The following IFT74 variants were observed in gnomAD, a reference collection of about 807,000 sequenced individuals.
IFT74 encodes the protein intraflagellar transport protein 74 homolog.
A neutral mutation model predicts 96.7 loss-of-function variants in IFT74; 92 were observed. That is an observed-to-expected ratio of 0.95 (90% CI 0.80 to 1.13). The LOEUF (loss-of-function observed/expected upper bound fraction) is 1.13, where lower values mean the gene tolerates loss of function less well. Ranked by LOEUF, IFT74 falls within the 50% of genes most tolerant of loss-of-function variation. The pLI, the probability that IFT74 is intolerant of heterozygous loss-of-function variation, is 0.00. For synonymous variants in IFT74, 223 were observed against 213.2 expected (o/e 1.05, Z -0.40); for missense variants, 811 against 698.2 (o/e 1.16, Z -1.82).
At chr9:27,025,076 A>C (rs1030674240) in intron 12 of IFT74, among the ~76,000 whole-genome samples, 1 of 152,120 alleles carries the variant, frequency 6.6e-6, no homozygotes, top group Non-Finnish European at 1.5e-5. Flanking sequence ...CAAACCTGTA[A>C]GTTTGGAAAA....
At chr9:26,956,294 C>T (rs969072693), upstream of IFT74, 1 of 152,234 alleles carries the variant, frequency 6.6e-6, no homozygotes, top group Non-Finnish European at 1.5e-5. Context: ...ACAAACATAT[C>T]CTCAATTCTC....
intron 10 of IFT74, among the ~76,000 whole-genome samples, chr9:27,012,229 A>C (rs1158955810): frequency 6.6e-6 from 1 of 152,128 alleles, no homozygotes; most frequent in Non-Finnish European, 1.5e-5. Context: ...AATTAAAAAA[A>C]TTATTTTTTT....
At chr9:26,975,444 G>T (rs1207194316) in intron 2 of IFT74, among the ~76,000 whole-genome samples, 1 of 152,056 alleles carries the variant, frequency 6.6e-6, no homozygotes, top group African/African-American at 2.4e-5. Context: ...TTTGAGGATG[G>T]GCCTTCAGTC....
At chr9:26,948,778 T>C (rs1207232414) in intron 1 of IFT74, among the ~76,000 whole-genome samples, 1 of 152,124 alleles carries the variant, frequency 6.6e-6, no homozygotes, top group Admixed American at 6.5e-5. Context: ...TCCATTCTTA[T>C]AGTACAGCAT....
intron 2 of IFT74, among the ~76,000 whole-genome samples, chr9:26,974,970 G>A (rs1291902424): frequency 2.6e-5 from 4 of 152,104 alleles, no homozygotes; most frequent in Admixed American, 2.6e-4. Flanking sequence ...GGAAATTTTG[G>A]ATATCCTTTT....
At chr9:26,963,761 T>G (rs1328174962) in intron 2 of IFT74, among the ~76,000 whole-genome samples, 1 of 152,234 alleles carries the variant, frequency 6.6e-6, no homozygotes. Flanking sequence ...TGTCTTCTTT[T>G]GGGAAGTGTC....
chr9:27,006,891 T>C (rs1173939907), intron 8 of IFT74, among the ~76,000 whole-genome samples: 36 of 142,280 alleles, frequency 2.5e-4, no homozygotes, highest in East Asian at 1.9e-3. Flanking sequence ...GGCTGGAGTG[T>C]AGTGGCGCAG....
intron 12 of IFT74, among the ~76,000 whole-genome samples, chr9:27,020,979 G>A (rs1344591345): frequency 5.9e-5 from 9 of 151,844 alleles, no homozygotes; most frequent in Admixed American, 2.0e-4. Flanking sequence ...ATGCCTTTAC[G>A]TCCTCATAGC....
intron 8 of IFT74, chr9:26,995,569 A>G (rs1436904713): frequency 3.8e-6 from 6 of 1,599,946 alleles, no homozygotes; most frequent in South Asian, 1.1e-5. Context: ...TGTCTTCAAT[A>G]AATCCATCAT....
intron 16 of IFT74, among the ~76,000 whole-genome samples, chr9:27,052,925 C>T (rs954456940): frequency 3.3e-5 from 5 of 152,008 alleles, no homozygotes; most frequent in South Asian, 2.1e-4. Flanking sequence ...TGCAGTGGCG[C>T]GATTTTGGCT....
chr9:27,000,569 A>G (rs1828428162), intron 8 of IFT74, among the ~76,000 whole-genome samples: 1 of 152,208 alleles, frequency 6.6e-6, no homozygotes, highest in Non-Finnish European at 1.5e-5. Flanking sequence ...GCATTCATAT[A>G]ATTTTTAAAG....
chr9:26,994,612 G>C (rs1213565848), intron 8 of IFT74: 1 of 149,456 alleles, frequency 6.7e-6, no homozygotes, highest in East Asian at 2.0e-4. Flanking sequence ...GTAGTAATTT[G>C]ACCATGTACC....
At chr9:26,994,192 C>G (rs1203059447) in intron 8 of IFT74, 3 of 152,102 alleles carry the variant, frequency 2.0e-5, no homozygotes, top group Admixed American at 1.3e-4. Flanking sequence ...ATACTTTGCT[C>G]TTGAATAATC....
At chr9:26,958,898 A>G (rs924208933) in intron 1 of IFT74, among the ~76,000 whole-genome samples, 1 of 152,192 alleles carries the variant, frequency 6.6e-6, no homozygotes, top group Middle Eastern at 3.2e-3. Context: ...GGACAGATCA[A>G]GGAGACAGAA....
chr9:27,036,185 A>G (rs1454022471), intron 13 of IFT74, among the ~76,000 whole-genome samples: 1 of 152,236 alleles, frequency 6.6e-6, no homozygotes, highest in African/African-American at 2.4e-5. Context: ...CACATTGAGT[A>G]GACTGAGGAA....
At chr9:26,949,875 C>G (rs1418798847) in intron 1 of IFT74, among the ~76,000 whole-genome samples, 1 of 152,094 alleles carries the variant, frequency 6.6e-6, no homozygotes, top group African/African-American at 2.4e-5. Context: ...TGTTGGTCTG[C>G]CAAAATGCTA....
intron 8 of IFT74, chr9:26,995,836 A>G: frequency 6.2e-7 from 1 of 1,603,746 alleles, no homozygotes; most frequent in Non-Finnish European, 8.5e-7. Flanking sequence ...AACTTTTTCC[A>G]AGAGGTTCAT....
intron 19 of IFT74, among the ~76,000 whole-genome samples, chr9:27,061,262 G>C (rs1334936523): frequency 6.6e-6 from 1 of 152,172 alleles, no homozygotes; most frequent in Non-Finnish European, 1.5e-5. Flanking sequence ...TAGTGATTAA[G>C]TGCCCAGATT....
In IFT74 at chr9:27,025,621, T is replaced by C. The variant is rs1173862336; in HGVS notation, c.975-3404T>C. Among the ~76,000 whole-genome samples, 6 of 152,122 alleles carry C rather than the reference T, an allele frequency of 3.9e-5. No individual in the cohort carries two copies. The East Asian group carries it at 9.6e-4, about 24-fold the overall frequency. On this transcript the variant is annotated intron_variant, in intron 12 of 19. Transcript: ENST00000380062. Reference sequence around the variant, plus strand: ...ATCAGGTAACCTATAAAGGAAAACCTATCAGATCAATAGCAGATTTCTTAG... The same window carrying C: ...ATCAGGTAACCTATAAAGGAAAACCCATCAGATCAATAGCAGATTTCTTAG...
Sources: allele counts gnomAD v4.1 joint callset (sites outside exome capture counted in the v4.1 genomes callset), GRCh38; gene constraint gnomAD v4.1.1; transcripts MANE v1.5; gene names NCBI Gene and HGNC (gene_info 2026-07-23, HGNC 2026-07-21).